MARCHF1: variants seen among roughly 807,000 people sequenced by gnomAD.
The protein encoded by MARCHF1 is E3 ubiquitin-protein ligase MARCHF1.
MARCHF1 carries 40 observed loss-of-function variants against 54.2 expected under a neutral mutation model. The ratio of observed to expected loss-of-function variants is 0.74; its 90% CI spans 0.57 to 0.96. The LOEUF is 0.96. Ranked by LOEUF, MARCHF1 falls within the 40% of genes least tolerant of loss-of-function variation. The pLI is 0.00. For missense variants in MARCHF1, 586 were observed against 656.5 expected (o/e 0.89, Z 1.17); for synonymous variants, 236 against 236.3 (o/e 1.00, Z 0.01).
At chr4:163,582,565 A>T (rs905876185) in intron 8 of MARCHF1, among the ~76,000 whole-genome samples, 1 of 152,208 alleles carries the variant, frequency 6.6e-6, no homozygotes, top group Non-Finnish European at 1.5e-5. Context: ...AAATCATTTC[A>T]TCTAAACAGA....
At chr4:164,329,281 T>A (rs920962924) in intron 1 of MARCHF1, among the ~76,000 whole-genome samples, 6 of 152,112 alleles carry the variant, frequency 3.9e-5, no homozygotes. Context: ...TTCATAACCC[T>A]CTTCTGCTTA....
At chr4:163,641,420 G>A (rs1299238845) in intron 5 of MARCHF1, among the ~76,000 whole-genome samples, 1 of 152,022 alleles carries the variant, frequency 6.6e-6, no homozygotes, top group Non-Finnish European at 1.5e-5. Context: ...GTTTCTAAAG[G>A]AAATGAACTC....
chr4:164,375,574 G>A (rs1731164712), intron 1 of MARCHF1, among the ~76,000 whole-genome samples: 1 of 152,092 alleles, frequency 6.6e-6, no homozygotes, highest in Admixed American at 6.6e-5. Context: ...TTGCTAGGCT[G>A]CATATTCGAT....
At chr4:163,774,105 A>G (rs1336380321) in intron 4 of MARCHF1, among the ~76,000 whole-genome samples, 1 of 152,130 alleles carries the variant, frequency 6.6e-6, no homozygotes, top group Non-Finnish European at 1.5e-5. Flanking sequence ...CAGATGCTCA[A>G]CTTCCTTATA....
At chr4:164,095,268 C>T (rs1224904025) in intron 2 of MARCHF1, among the ~76,000 whole-genome samples, 1 of 152,004 alleles carries the variant, frequency 6.6e-6, no homozygotes, top group East Asian at 1.9e-4. Flanking sequence ...AGTTACTTAA[C>T]CTTAGTACCT....
At chr4:164,235,703 A>G (rs1454183773) in intron 1 of MARCHF1, among the ~76,000 whole-genome samples, 1 of 152,020 alleles carries the variant, frequency 6.6e-6, no homozygotes, top group Non-Finnish European at 1.5e-5. Context: ...AAAGGCATAC[A>G]GAGTGATACA....
chr4:163,908,449 C>A (rs529373040), intron 3 of MARCHF1, among the ~76,000 whole-genome samples: 16 of 152,024 alleles, frequency 1.1e-4, no homozygotes, highest in Non-Finnish European at 1.9e-4. Context: ...TGCATTAGAT[C>A]TAAAATATAC....
At chr4:163,822,428 G>A (rs1400369316) in intron 4 of MARCHF1, among the ~76,000 whole-genome samples, 1 of 151,796 alleles carries the variant, frequency 6.6e-6, no homozygotes, top group African/African-American at 2.4e-5. Context: ...AGTTGTTTAA[G>A]GTATAGAGGT....
At chr4:164,106,010 A>C (rs1755688217) in intron 2 of MARCHF1, among the ~76,000 whole-genome samples, 1 of 150,326 alleles carries the variant, frequency 6.7e-6, no homozygotes, top group South Asian at 2.1e-4. Flanking sequence ...AAGACACATG[A>C]AAAAATGCTC....
chr4:164,229,823 C>A (rs1298124643), intron 1 of MARCHF1, among the ~76,000 whole-genome samples: 1 of 152,112 alleles, frequency 6.6e-6, no homozygotes, highest in African/African-American at 2.4e-5. Flanking sequence ...AAGCAGATAT[C>A]ATGAGAACTC....
chr4:164,005,647 T>C (rs1245729226), intron 2 of MARCHF1, among the ~76,000 whole-genome samples: 3 of 152,134 alleles, frequency 2.0e-5, no homozygotes, highest in Non-Finnish European at 4.4e-5. Context: ...GGAAAATTCA[T>C]GACTGTCTGA....
At chr4:164,232,026 A>G (rs193150707) in intron 1 of MARCHF1, among the ~76,000 whole-genome samples, 4 of 152,296 alleles carry the variant, frequency 2.6e-5, no homozygotes, top group African/African-American at 9.6e-5. Context: ...GAAATTTACA[A>G]TTAAGCCACT....
At chr4:163,932,979 A>G (rs1419146720) in intron 3 of MARCHF1, 1 of 823,042 alleles carries the variant, frequency 1.2e-6, no homozygotes, top group Non-Finnish European at 2.1e-6. Flanking sequence ...GGCATTTGAT[A>G]TAAGCAAGAA....
intron 1 of MARCHF1, among the ~76,000 whole-genome samples, chr4:164,220,592 T>C (rs28429522): frequency 6.7e-5 from 8 of 119,124 alleles, no homozygotes; most frequent in African/African-American, 1.3e-4. Flanking sequence ...ATGATATATG[T>C]ATATATGTAA....
intron 4 of MARCHF1, among the ~76,000 whole-genome samples, chr4:163,798,990 T>C (rs1001031277): frequency 6.6e-6 from 1 of 152,172 alleles, no homozygotes; most frequent in Admixed American, 6.6e-5. Flanking sequence ...GTCAGGTAGA[T>C]ATTTTCATCT....
intron 4 of MARCHF1, among the ~76,000 whole-genome samples, chr4:163,824,941 A>T (rs1197585750): frequency 1.3e-5 from 2 of 149,266 alleles, no homozygotes; most frequent in Non-Finnish European, 3.0e-5. Flanking sequence ...CCACAATGAG[A>T]TACCATCTCA....
chr4:163,965,099 C>T (rs1752417206), intron 3 of MARCHF1, among the ~76,000 whole-genome samples: 1 of 151,936 alleles, frequency 6.6e-6, no homozygotes, highest in Non-Finnish European at 1.5e-5. Context: ...GTTCAAAAAA[C>T]TCAGATCTTA....
chr4:164,040,921 G>C (rs1313747391), intron 2 of MARCHF1, among the ~76,000 whole-genome samples: 1 of 152,030 alleles, frequency 6.6e-6, no homozygotes, highest in Non-Finnish European at 1.5e-5. Context: ...TGTGTTTTAT[G>C]CTGAAAAGCT....
chr4:164,215,521 T>A (rs770461919), intron 1 of MARCHF1, among the ~76,000 whole-genome samples: 54 of 152,116 alleles, frequency 3.5e-4, no homozygotes, highest in Non-Finnish European at 5.4e-4. Flanking sequence ...TTCACCTAGG[T>A]CTGTGGGCAC....
Sources: allele counts gnomAD v4.1 joint callset (sites outside exome capture counted in the v4.1 genomes callset), GRCh38; gene constraint gnomAD v4.1.1; transcripts MANE v1.5; gene names NCBI Gene and HGNC (gene_info 2026-07-23, HGNC 2026-07-21).